Variants in RIMS1 observed in about 807,000 individuals in gnomAD.
The protein encoded by RIMS1 is regulating synaptic membrane exocytosis protein 1.
Under a neutral mutation model 214.1 loss-of-function variants are expected in RIMS1, and 83 were observed. The observed-to-expected ratio is 0.39, with a 90% CI of 0.32 to 0.47. The LOEUF (loss-of-function observed/expected upper bound fraction) is 0.47. RIMS1 is among the 20% of genes least tolerant of loss of function. RIMS1 has a pLI of 0.99. For missense variants in RIMS1, 2,050 were observed against 2,161.8 expected, an observed-to-expected ratio of 0.95 and a Z score of 1.03; for synonymous variants, 793 against 786.8, an observed-to-expected ratio of 1.01 and a Z score of -0.13.
intron 2 of RIMS1, among the ~76,000 whole-genome samples, chr6:72,014,366 A>G (rs1811968764): frequency 6.6e-6 from 1 of 152,252 alleles, no homozygotes; most frequent in Admixed American, 6.5e-5. Context: ...TTTGGGTGGG[A>G]CACCGCCAAA....
chr6:71,917,829 C>A (rs557836871), intron 1 of RIMS1, among the ~76,000 whole-genome samples: 2 of 151,996 alleles, frequency 1.3e-5, no homozygotes, highest in East Asian at 3.9e-4. Flanking sequence ...AAAAGTGAAG[C>A]GAAAAGATTT....
At chr6:71,946,121 G>T (rs1425622027) in intron 1 of RIMS1, among the ~76,000 whole-genome samples, 5 of 152,264 alleles carry the variant, frequency 3.3e-5, no homozygotes, top group Admixed American at 1.3e-4. Context: ...GAAGGTGAAA[G>T]ATCTATACAC....
chr6:72,346,560 A>G (rs2097271870), intron 29 of RIMS1, among the ~76,000 whole-genome samples: 1 of 151,862 alleles, frequency 6.6e-6, no homozygotes, highest in South Asian at 2.1e-4. Context: ...AATCTGCCAG[A>G]CAGAAATCCA....
chr6:71,981,702 G>A (rs11965936), intron 2 of RIMS1, among the ~76,000 whole-genome samples: 30,720 of 151,910 alleles, frequency 0.2, 3,482 homozygotes, highest in Non-Finnish European at 0.24. Flanking sequence ...TCTCTAATCC[G>A]GCAATACTTT....
chr6:72,073,496 A>G (rs1163397484), intron 2 of RIMS1, among the ~76,000 whole-genome samples: 1 of 152,256 alleles, frequency 6.6e-6, no homozygotes, highest in Non-Finnish European at 1.5e-5. Flanking sequence ...AATACTTCTC[A>G]TGCCAAATGA....
At chr6:71,998,923 G>A (rs1367353170) in intron 2 of RIMS1, among the ~76,000 whole-genome samples, 1 of 151,894 alleles carries the variant, frequency 6.6e-6, no homozygotes, top group Non-Finnish European at 1.5e-5. Context: ...TTTCAATATT[G>A]TCTTCTAATT....
intron 26 of RIMS1, among the ~76,000 whole-genome samples, chr6:72,292,605 AAG>A (rs1320679769): frequency 7.5e-5 from 11 of 147,026 alleles, no homozygotes; most frequent in African/African-American, 3.0e-4. Flanking sequence ...AAGAAAGAGA[AAG>A]AGAGAGAGAA....
intron 29 of RIMS1, among the ~76,000 whole-genome samples, chr6:72,336,027 G>C (rs1564205521): frequency 6.6e-6 from 1 of 151,826 alleles, no homozygotes; most frequent in East Asian, 1.9e-4. Flanking sequence ...TACAGCATGA[G>C]GTGGTGGAGA....
At chr6:72,355,346 T>C (rs1384937621) in intron 29 of RIMS1, among the ~76,000 whole-genome samples, 3 of 152,198 alleles carry the variant, frequency 2.0e-5, no homozygotes, top group African/African-American at 7.2e-5. Flanking sequence ...TTACTTGTAT[T>C]ACAACTAAAT....
chr6:72,056,439 A>G (rs1298577461), intron 2 of RIMS1, among the ~76,000 whole-genome samples: 1 of 152,246 alleles, frequency 6.6e-6, no homozygotes, highest in Non-Finnish European at 1.5e-5. Flanking sequence ...TAAATTTAAA[A>G]ATGTAAATTA....
intron 28 of RIMS1, among the ~76,000 whole-genome samples, chr6:72,323,763 G>A (rs73538227): frequency 3.3e-4 from 50 of 151,856 alleles, no homozygotes; most frequent in African/African-American, 1.2e-3. Context: ...AAAAAAATCA[G>A]CATTATTGTA....
At chr6:72,383,835 A>G (rs2098539179) in intron 29 of RIMS1, among the ~76,000 whole-genome samples, 1 of 152,134 alleles carries the variant, frequency 6.6e-6, no homozygotes, top group South Asian at 2.1e-4. Context: ...TCTTAAAAAA[A>G]AAATTAATTT....
At chr6:71,892,300 G>C (rs922293840) in intron 1 of RIMS1, among the ~76,000 whole-genome samples, 1 of 152,156 alleles carries the variant, frequency 6.6e-6, no homozygotes, top group Admixed American at 6.5e-5. Context: ...ACTCACCCAG[G>C]CTCACCTCTT....
intron 2 of RIMS1, among the ~76,000 whole-genome samples, chr6:71,973,667 C>T (rs761268089): frequency 2.6e-5 from 4 of 152,084 alleles, no homozygotes; most frequent in African/African-American, 4.8e-5. Flanking sequence ...GAGTTAGGTT[C>T]AGGTGTGTCA....
At chr6:72,141,779 CATG>C (rs1012154171) in intron 4 of RIMS1, among the ~76,000 whole-genome samples, 1 of 152,014 alleles carries the variant, frequency 6.6e-6, no homozygotes, top group African/African-American at 2.4e-5. Flanking sequence ...TTCAGAATTT[CATG>C]ATAAGTCACT....
intron 2 of RIMS1, among the ~76,000 whole-genome samples, chr6:72,042,801 C>G (rs1343751694): frequency 6.6e-6 from 1 of 151,438 alleles, no homozygotes; most frequent in Non-Finnish European, 1.5e-5. Flanking sequence ...ATATGCAGAC[C>G]ACGATAAAAA....
chr6:72,185,083 C>G (rs182450490), intron 6 of RIMS1, among the ~76,000 whole-genome samples: 48 of 152,158 alleles, frequency 3.2e-4, no homozygotes, highest in Middle Eastern at 3.4e-3. Context: ...GAACAATGCC[C>G]CTAGCTACCC....
At chr6:71,935,373 CTGATT>C (rs1784140458) in intron 1 of RIMS1, among the ~76,000 whole-genome samples, 1 of 152,078 alleles carries the variant, frequency 6.6e-6, no homozygotes. Context: ...ACAATCTTAC[CTGATT>C]TAAGTGTTAT....
intron 29 of RIMS1, among the ~76,000 whole-genome samples, chr6:72,367,143 T>C (rs1301759871): frequency 6.6e-6 from 1 of 152,236 alleles, no homozygotes; most frequent in Non-Finnish European, 1.5e-5. Flanking sequence ...ATGATTAACT[T>C]TAAAGCTAGA....
Sources: allele counts gnomAD v4.1 joint callset (sites outside exome capture counted in the v4.1 genomes callset), GRCh38; gene constraint gnomAD v4.1.1; transcripts MANE v1.5; gene names NCBI Gene and HGNC (gene_info 2026-07-23, HGNC 2026-07-21).